Variants in TLCD2 observed in about 807,000 individuals in gnomAD.
TLCD2 encodes TLC domain containing 2, also known as TLC domain-containing protein 2.
Under a neutral mutation model 14.0 loss-of-function variants are expected in TLCD2, and 12 were observed. The observed-to-expected ratio is 0.86, with a 90% CI of 0.55 to 1.39. TLCD2 has a LOEUF of 1.39. TLCD2 is among the 40% of genes most tolerant of loss of function. The pLI is 0.00. For synonymous variants in TLCD2, 166 were observed against 156.5 expected, an observed-to-expected ratio of 1.06 and a Z score of -0.45; for missense variants, 360 against 346.8, an observed-to-expected ratio of 1.04 and a Z score of -0.30.
Position 1,708,713 on chromosome 17 carries a change from G to A in TLCD2, c.343-491C>T, listed in dbSNP as rs549611480. Among the ~76,000 whole-genome samples the A allele has an allele frequency of 7.9e-5, 12 of 152,138 alleles. No homozygotes were observed. The East Asian group carries it at 2.1e-3, about 27-fold the overall frequency. ...TTAGTCAGGATGGTCTCGATCTCCT[G>A]ACCTCGTGATCCACCCGCCTCGGCC... On this transcript the variant is annotated intron_variant, in intron 3 of 3. Coordinates refer to ENST00000330676, the MANE Select transcript of TLCD2 (RefSeq NM_001164407.2).
Position 1,703,038 on chromosome 17 carries a change from G to A in TLCD2, c.*4732C>T, listed in dbSNP as rs1913923146. ...GCTAAGCAGACTCCTACCAAATGGAGCATCTGGCAATCTCTGCTTTTTTTT... is the reference window on the plus strand; with the variant it reads ...GCTAAGCAGACTCCTACCAAATGGAACATCTGGCAATCTCTGCTTTTTTTT... On this transcript the variant is annotated 3_prime_UTR_variant, in exon 4 of 4. Transcript: ENST00000330676. The A allele has an allele frequency of 6.6e-6, 1 of 152,064 alleles. No homozygotes were observed. Among genetic ancestry groups the A allele is most frequent in the African/African-American group, 2.4e-5 (1 of 41,406 alleles). 9.4% of individuals were successfully genotyped at this position (152,064 alleles called of 1,614,324 possible).
At position 1,707,927 on chromosome 17, in the gene TLCD2, AT is replaced by A. The variant is rs1293224045; in HGVS notation, c.637del (p.Met213Ter). The A allele has an allele frequency of 6.5e-7, 1 of 1,537,178 alleles. No homozygotes were observed. Among genetic ancestry groups the A allele is most frequent in the African/African-American group, 1.4e-5 (1 of 73,038 alleles). ...AATACGGATCCCCAATATGATGCTC[AT>A]GATGCCCACAGTGACCAGCCCAATT... Reference protein sequence around the residue: ...GGIGLVTVGIMSIILGIRILV... With the variant: ...GGIGLVTVGIXSIILGIRILV... On this transcript the variant is annotated frameshift_variant, in exon 4 of 4. Transcript: ENST00000330676. LOFTEE classifies it low-confidence loss of function (END_TRUNC).
At chr17:1,709,648 CCCCCG>C in intron 2 of TLCD2, 67 bp from the exon 3 acceptor site, 1 of 1,363,172 alleles carries the variant, frequency 7.3e-7, no homozygotes, top group Non-Finnish European at 1.0e-6. Context: ...ATTTCCAGCC[CCCCCG>C]CCCCGCCCCT....
In TLCD2 at chr17:1,703,888, T is replaced by C. The variant is rs1405737610; in HGVS notation, c.*3882A>G. On this transcript the variant is annotated 3_prime_UTR_variant, in exon 4 of 4. Transcript: ENST00000330676. ...TGTTAATCAAGGCATTCAGTTAAGA[T>C]GGCAAATTGAGTTTTGCAGATATGA... 2 of 151,866 alleles carry C rather than the reference T, an allele frequency of 1.3e-5. No individual in the cohort carries two copies. The highest frequency in any genetic ancestry group is 2.4e-5 in the African/African-American group (1 of 41,380). The allele number at this position is 151,866 out of a possible 1,614,324, so 9.4% of individuals were successfully genotyped here.
chr17:1,707,751 AG>A lies in TLCD2; in HGVS notation c.*18del, dbSNP rs1227660210. On this transcript the variant is annotated 3_prime_UTR_variant, in exon 4 of 4. Coordinates refer to ENST00000330676, the MANE Select transcript of TLCD2 (RefSeq NM_001164407.2). ...TGTCCTGGCCCCACCTCCCCCAGCG[AG>A]GGGCCCATGGCTTCTCTCTAGTCTT... 6.8e-7 allele frequency: 1 copy of A among 1,463,450 alleles called. No homozygotes were observed. Among genetic ancestry groups the A allele is most frequent in the Admixed American group, 2.4e-5 (1 of 42,096 alleles). 90.7% of individuals were successfully genotyped at this position (1,463,450 alleles called of 1,614,324 possible).
rs1225154208 is a variant in TLCD2, at chr17:1,709,812, ACAGCCACCAGCACCAGAGCC to A, written c.231_250del (p.Trp77CysfsTer12). 12 of 1,530,156 alleles carry A rather than the reference ACAGCCACCAGCACCAGAGCC, an allele frequency of 7.8e-6. No individual in the cohort carries two copies. The Admixed American group carries it at 1.6e-4, about 20-fold the overall frequency. 94.8% of individuals were successfully genotyped at this position (1,530,156 alleles called of 1,614,324 possible). A position where few individuals can be genotyped will look rare whatever the true frequency, so the allele number is the denominator to read the frequency against. On this transcript the variant is annotated frameshift_variant, in exon 2 of 4. Transcript: ENST00000330676. LOFTEE classifies it high-confidence loss of function. ...CTTCCCTGCAGACTCACCCACAGAC[ACAGCCACCAGCACCAGAGCC>A]CAGCGCGGGTGGCCATGGATGGGGT...
rs902011272 is a variant in TLCD2 at position 1,708,102 on chromosome 17, G to C, written c.463C>G (p.Arg155Gly). The C allele has an allele frequency of 3.3e-6, 5 of 1,536,978 alleles. No homozygotes were observed. The highest frequency in any genetic ancestry group is 4.4e-6 in the Non-Finnish European group (5 of 1,146,912). The change falls in exon 4 of 4, where the codon CGC becomes GGC. Residue 155 changes from arginine to glycine, a missense_variant. Arg to Gly is a moderately radical substitution (Grantham distance 125). Coordinates refer to ENST00000330676, the MANE Select transcript of TLCD2 (RefSeq NM_001164407.2). The part of the protein sequence containing the change: ...LHLRKLLLLS[R>G]QAPSLAFSVT... ...CTGAAGGCCAGGGATGGGGCCTGGCGAGAAAGCAACAGCAGCTTCCGCAGG... is the reference window on the plus strand; with the variant it reads ...CTGAAGGCCAGGGATGGGGCCTGGCCAGAAAGCAACAGCAGCTTCCGCAGG...
In TLCD2 at chr17:1,703,403, ATCTG is replaced by A. The variant is rs967106348; in HGVS notation, c.*4363_*4366del. 13 of 151,712 alleles carry A rather than the reference ATCTG, an allele frequency of 8.6e-5. No homozygotes were observed. Among genetic ancestry groups the A allele is most frequent in the African/African-American group, 2.9e-4 (12 of 41,134 alleles). The allele number at this position is 151,712 out of a possible 1,614,324, so 9.4% of individuals were successfully genotyped here. On this transcript the variant is annotated 3_prime_UTR_variant, in exon 4 of 4. Transcript: ENST00000330676. ...CTTCATAGACACTATCTATCTATCT[ATCTG>A]TCTATTTATTTATTTATTTATTTTT...
intron 3 of TLCD2, among the ~76,000 whole-genome samples, chr17:1,708,615 T>C (rs752231457): frequency 5.3e-5 from 8 of 150,708 alleles, no homozygotes; most frequent in African/African-American, 9.8e-5. Flanking sequence ...GCTTCCAGAG[T>C]AGCTGGGACT....
chr17:1,708,685 C>CCA (rs1914121199), intron 3 of TLCD2, among the ~76,000 whole-genome samples: 1 of 151,978 alleles, frequency 6.6e-6, no homozygotes. Flanking sequence ...CGGGGTTTCA[C>CCA]TGTTAGTCAG....
chr17:1,707,820 CACG>C lies in TLCD2; in HGVS notation c.742_744del (p.Arg248del). ...CTGTTGCTGGTGACAGGTCCATTGTCACGACGTGTCCTGGTCCCCCTGGTTTTC... is the reference window on the plus strand; with the variant it reads ...CTGTTGCTGGTGACAGGTCCATTGTCACGTGTCCTGGTCCCCCTGGTTTTC... On this transcript the variant is annotated inframe_deletion, in exon 4 of 4. Coordinates refer to ENST00000330676, the MANE Select transcript of TLCD2 (RefSeq NM_001164407.2). 2 of 1,526,714 alleles carry C rather than the reference CACG, an allele frequency of 1.3e-6. No homozygotes were observed. The highest frequency in any genetic ancestry group is 1.8e-6 in the Non-Finnish European group (2 of 1,140,878). The allele number at this position is 1,526,714 out of a possible 1,614,324, so 94.6% of individuals were successfully genotyped here.
Position 1,705,501 on chromosome 17 carries a change from C to G in TLCD2, c.*2269G>C, listed in dbSNP as rs763935800. ...TTTTCTGGTCCTTTTTGTTTATAACCCTTTTATCAGTTCTGTGACTTTGGT... is the reference window on the plus strand; with the variant it reads ...TTTTCTGGTCCTTTTTGTTTATAACGCTTTTATCAGTTCTGTGACTTTGGT... On this transcript the variant is annotated 3_prime_UTR_variant, in exon 4 of 4. Coordinates refer to ENST00000330676, the MANE Select transcript of TLCD2 (RefSeq NM_001164407.2). 3 of 152,318 alleles carry G rather than the reference C, an allele frequency of 2.0e-5. No homozygotes were observed. Among genetic ancestry groups the G allele is most frequent in the Admixed American group, 6.6e-5 (1 of 15,266 alleles). 9.4% of individuals were successfully genotyped at this position (152,318 alleles called of 1,614,324 possible).
At position 1,705,472 on chromosome 17, in the gene TLCD2, C is replaced by T. The variant is rs1914003658; in HGVS notation, c.*2298G>A. The T allele has an allele frequency of 6.6e-6, 1 of 152,352 alleles. No individual in the cohort carries two copies. The highest frequency in any genetic ancestry group is 2.1e-4 in the South Asian group (1 of 4,830). 9.4% of individuals were successfully genotyped at this position (152,352 alleles called of 1,614,324 possible). On this transcript the variant is annotated 3_prime_UTR_variant, in exon 4 of 4. Transcript: ENST00000330676. ...GGTCTCTTCTTGTCGGCCTTCATTT[C>T]TATTTTTCTGGTCCTTTTTGTTTAT...
At position 1,710,234 on chromosome 17, in the gene TLCD2, G is replaced by A; in HGVS notation, c.9C>T (p.Pro3=). Residue 3 remains proline, a synonymous_variant, in exon 1 of 4, where the codon CCC becomes CCT. Coordinates refer to ENST00000330676, the MANE Select transcript of TLCD2 (RefSeq NM_001164407.2). The surrounding 1 kb of genome is among the most constrained non-coding windows in gnomAD (Gnocchi z 6.1). ...AGGCGCCGGCCACCAGGAGCCCCGT[G>A]GGCGCCATGGCCTGGCGGTTGGGGG... The part of the protein sequence containing the change: MA[P]TGLLVAGASF... The A allele has an allele frequency of 6.6e-7, 1 of 1,523,564 alleles. No homozygotes were observed. The highest frequency in any genetic ancestry group is 8.8e-7 in the Non-Finnish European group (1 of 1,142,358). 94.4% of individuals were successfully genotyped at this position (1,523,564 alleles called of 1,614,324 possible).
Position 1,704,261 on chromosome 17 carries a change from A to G in TLCD2, c.*3509T>C, listed in dbSNP as rs1311912488. The G allele has an allele frequency of 7.4e-6, 1 of 134,838 alleles. No individual in the cohort carries two copies. The highest frequency in any genetic ancestry group is 1.6e-5 in the Non-Finnish European group (1 of 60,638). The allele number at this position is 134,838 out of a possible 1,614,324, so 8.4% of individuals were successfully genotyped here. On this transcript the variant is annotated 3_prime_UTR_variant, in exon 4 of 4. Coordinates refer to ENST00000330676, the MANE Select transcript of TLCD2 (RefSeq NM_001164407.2). The stretch of plus-strand genomic sequence containing the variant: ...AAAAAAAGAAGAAAAGAAAGAAAAA[A>G]GAAAATTTTTTTTTTTTGTAGAGAG...
rs1232200957 is a variant in TLCD2, at chr17:1,703,008, A to G, written c.*4762T>C. Reference sequence around the variant, plus strand: ...CCACGGTAAAGTCTGGCGAAGCACCACTGTGCTAAGCAGACTCCTACCAAA... The same window carrying G: ...CCACGGTAAAGTCTGGCGAAGCACCGCTGTGCTAAGCAGACTCCTACCAAA... On this transcript the variant is annotated 3_prime_UTR_variant, in exon 4 of 4. Coordinates refer to ENST00000330676, the MANE Select transcript of TLCD2 (RefSeq NM_001164407.2). 1 of 151,432 alleles carries G rather than the reference A, an allele frequency of 6.6e-6. No homozygotes were observed. The highest frequency in any genetic ancestry group is 1.5e-5 in the Non-Finnish European group (1 of 67,942). The allele number at this position is 151,432 out of a possible 1,614,324, so 9.4% of individuals were successfully genotyped here.
rs1450051482 is a variant in TLCD2 at position 1,710,074 on chromosome 17, G to C, written c.169C>G (p.Leu57Val). ...AHSLLSGTGA[L>V]LGLSLYPQMA... ...GAGCCCCCAAGCCCGCACCCGAGCA[G>C]CGCCCCGGTCCCCGAGAGCAGGCTG... The change falls in exon 1 of 4, where the codon CTG (leucine) becomes GTG (valine). Residue 57 changes from leucine (L) to valine (V), a missense_variant. Physicochemically the swap from Leu to Val is conservative, Grantham distance 32. Coordinates refer to ENST00000330676, the MANE Select transcript of TLCD2 (RefSeq NM_001164407.2). The surrounding 1 kb of genome is among the most constrained non-coding windows in gnomAD (Gnocchi z 6.1). The C allele has an allele frequency of 6.5e-7, 1 of 1,532,900 alleles. No homozygotes were observed. Among genetic ancestry groups the C allele is most frequent in the East Asian group, 2.4e-5 (1 of 40,870 alleles). The allele number at this position is 1,532,900 out of a possible 1,614,324, so 95.0% of individuals were successfully genotyped here.
Position 1,710,107 on chromosome 17 carries a change from G to C in TLCD2, c.136C>G (p.Leu46Val), listed in dbSNP as rs1914178079. ...RWQWWNLCVS[L>V]AHSLLSGTGA... ...GTCCCCGAGAGCAGGCTGTGCGCCAGGGAGACGCAGAGGTTCCACCACTGC... is the reference window on the plus strand; with the variant it reads ...GTCCCCGAGAGCAGGCTGTGCGCCACGGAGACGCAGAGGTTCCACCACTGC... The change falls in exon 1 of 4, where the codon CTG (leucine) becomes GTG (valine). Residue 46 changes from leucine to valine, a missense_variant. Transcript: ENST00000330676. The surrounding 1 kb of genome is among the most constrained non-coding windows in gnomAD (Gnocchi z 6.1). 2 of 1,533,556 alleles carry C rather than the reference G, an allele frequency of 1.3e-6. No individual in the cohort carries two copies. Among genetic ancestry groups the C allele is most frequent in the Non-Finnish European group, 1.7e-6 (2 of 1,146,376 alleles). 95.0% of individuals were successfully genotyped at this position (1,533,556 alleles called of 1,614,324 possible). A position where few individuals can be genotyped will look rare whatever the true frequency, so the allele number is the denominator to read the frequency against.
Position 1,707,522 on chromosome 17 carries a change from T to C in TLCD2, c.*248A>G, listed in dbSNP as rs1435199982. ...GATAGCTCTAGCTGTACCTCTTGAG[T>C]TTATTTGCTGGAAAGGATGCTCATC... On this transcript the variant is annotated 3_prime_UTR_variant, in exon 4 of 4. Transcript: ENST00000330676. 2 of 473,540 alleles carry C rather than the reference T, an allele frequency of 4.2e-6. No individual in the cohort carries two copies. The highest frequency in any genetic ancestry group is 7.4e-6 in the Non-Finnish European group (2 of 269,938). The allele number at this position is 473,540 out of a possible 1,614,324, so 29.3% of individuals were successfully genotyped here. A position where few individuals can be genotyped will look rare whatever the true frequency, so the allele number is the denominator to read the frequency against.
Sources: gnomAD v4.1 joint callset for allele counts (sites outside exome capture counted in the v4.1 genomes callset) on GRCh38, gnomAD v4.1.1 for gene constraint, Gnocchi (gnomAD v3.1) non-coding constraint, MANE v1.5 for transcripts, NCBI Gene and HGNC (gene_info 2026-07-23, HGNC 2026-07-21) for gene names.